Variants in MACF1 observed in about 807,000 individuals in gnomAD.
MACF1 encodes microtubule actin crosslinking factor 1, also known as microtubule-actin cross-linking factor 1.
A neutral mutation model predicts 854.8 loss-of-function variants in MACF1; 193 were observed. The ratio of observed to expected loss-of-function variants is 0.23; its 90% CI spans 0.20 to 0.25. The LOEUF is 0.25. MACF1 is among the 10% of genes least tolerant of loss of function. MACF1 has a pLI of 1.00. For synonymous variants in MACF1, 3,185 were observed against 3,226.7 expected (o/e 0.99, Z 0.44); for missense variants, 7,722 against 8,929.1 (o/e 0.86, Z 5.45).
rs202091396 is a variant in MACF1, at chr1:39,361,616, G to A, written c.12710G>A (p.Arg4237Gln). ...CAGCAGTTCATGGAAAACAAAAGTC[G>A]GATGCTGGCCTCTGGAAATCAGCCA... ...KLQQFMENKS[R>Q]MLASGNQPDQ... is the part of the protein sequence containing the mutation. Residue 4237 changes from arginine (R) to glutamine (Q), a missense_variant, in exon 49 of 101, where the codon CGG (arginine) becomes CAG (glutamine). Arg to Gln is a conservative substitution (Grantham distance 43, BLOSUM62 1). Around this residue, in one of 15 missense-constraint regions of MACF1, gnomAD observed 2,807 missense variants for 3,235.8 expected, o/e 0.87. Coordinates refer to ENST00000564288, the MANE Select transcript of MACF1 (RefSeq NM_001394062.1). 5.7e-5 allele frequency: 92 copies of A among 1,614,100 alleles called. No homozygotes were observed. Among genetic ancestry groups the A allele is most frequent in the South Asian group, 2.7e-4 (25 of 91,076 alleles).
At chr1:39,097,196 C>A (rs753849894) in intron 2 of MACF1, among the ~76,000 whole-genome samples, 3 of 152,046 alleles carry the variant, frequency 2.0e-5, no homozygotes, top group Non-Finnish European at 4.4e-5. Context: ...GGGATTCTAA[C>A]ACCCAGATGT....
At chr1:39,189,724 T>A (rs892348561) in intron 2 of MACF1, among the ~76,000 whole-genome samples, 2 of 152,244 alleles carry the variant, frequency 1.3e-5, no homozygotes, top group African/African-American at 2.4e-5. Context: ...AATGACCATT[T>A]CATTGACTGA....
chr1:39,304,724 C>T, intron 23 of MACF1: 1 of 357,390 alleles, frequency 2.8e-6, no homozygotes, highest in Non-Finnish European at 5.3e-6. Flanking sequence ...TCACCATGCC[C>T]TGCTAATTTT....
intron 2 of MACF1, among the ~76,000 whole-genome samples, chr1:39,087,652 A>T (rs762127852): frequency 2.0e-5 from 3 of 152,196 alleles, no homozygotes; most frequent in Non-Finnish European, 4.4e-5. Flanking sequence ...TTACACAGAG[A>T]TTTCAAAATA....
intron 2 of MACF1, among the ~76,000 whole-genome samples, chr1:39,099,236 A>T (rs1302133859): frequency 6.6e-6 from 1 of 152,094 alleles, no homozygotes; most frequent in Admixed American, 6.5e-5. Context: ...GCTCACTGCA[A>T]CCTCTGCCTC....
intron 2 of MACF1, among the ~76,000 whole-genome samples, chr1:39,125,798 C>T (rs935963923): frequency 6.6e-6 from 1 of 152,156 alleles, no homozygotes; most frequent in Non-Finnish European, 1.5e-5. Context: ...TGAAGACCGG[C>T]CTGGCCAACA....
chr1:39,315,638 G>A lies in MACF1; in HGVS notation c.3396G>A (p.Leu1132=), dbSNP rs759934756. The change falls in exon 27 of 101, where the codon CTG becomes CTA. Residue 1132 remains leucine (L), a synonymous_variant. Coordinates refer to ENST00000564288, the MANE Select transcript of MACF1 (RefSeq NM_001394062.1). The stretch of plus-strand genomic sequence containing the variant: ...CAACTCTGCGCTCAGAACTGAATCT[G>A]CTGGTGGAGAAGATGGACCATGTCT... The part of the protein sequence containing the change: ...SVPTLRSELN[L]LVEKMDHVYG... 1.4e-5 allele frequency: 22 copies of A among 1,614,000 alleles called. No individual in the cohort carries two copies. Among genetic ancestry groups the A allele is most frequent in the Admixed American group, 1.2e-4 (7 of 60,006 alleles).
chr1:39,210,974 C>T (rs749762931), intron 1 of MACF1, among the ~76,000 whole-genome samples: 1 of 148,908 alleles, frequency 6.7e-6, no homozygotes, highest in Admixed American at 6.7e-5. Flanking sequence ...CTCCCTCCCT[C>T]GCTCCCTTTT....
At position 39,438,019 on chromosome 1, in the gene MACF1, A is replaced by C. The variant is rs1052308289; in HGVS notation, c.18220+11A>C. 1.9e-6 allele frequency: 3 copies of C among 1,607,018 alleles called. No homozygotes were observed. The highest frequency in any genetic ancestry group is 2.7e-5 in the African/African-American group (2 of 74,686). On this transcript the variant is annotated intron_variant, in intron 71 of 100. Transcript: ENST00000564288. ...ATCTGGCTGCAAAAGGTGCTTGATG[A>C]TTGTCATTATTTTTAAAAATCAACA...
In MACF1 at chr1:39,448,755, T is replaced by C. The variant is rs781592476; in HGVS notation, c.20250T>C (p.Ser6750=). The C allele has an allele frequency of 1.9e-5, 31 of 1,610,456 alleles. No homozygotes were observed. The highest frequency in any genetic ancestry group is 5.0e-5 in the Admixed American group (3 of 59,610). ...RDKWDTVCGK[S]VERQHKLEEA... is the part of the protein sequence containing the mutation. The stretch of plus-strand genomic sequence containing the variant: ...AATGGGATACTGTTTGTGGCAAGTC[T>C]GTGGAGCGGTGAGCATGAATGTCCC... The change falls in exon 84 of 101, where the codon TCT becomes TCC. Residue 6750 remains serine (S), a synonymous_variant. Coordinates refer to ENST00000564288, the MANE Select transcript of MACF1 (RefSeq NM_001394062.1).
At chr1:39,269,780 T>A (rs968852946) in intron 6 of MACF1, 2 of 1,215,088 alleles carry the variant, frequency 1.6e-6, no homozygotes, top group Admixed American at 5.1e-5. Context: ...CCCTCAAACA[T>A]ATTAAAGCTG....
In MACF1 at chr1:39,442,533, C is replaced by G; in HGVS notation, c.19070C>G (p.Pro6357Arg). 1.2e-6 allele frequency: 2 copies of G among 1,614,142 alleles called. No individual in the cohort carries two copies. Among genetic ancestry groups the G allele is most frequent in the Non-Finnish European group, 1.7e-6 (2 of 1,180,024 alleles). ...GCTCAGAGACCAATAAGTGGAGACC[C>G]AAAAGTCATTGAAGTTGAGCTCGCA... ...LDAQRPISGD[P>R]KVIEVELAKH... Residue 6357 changes from proline to arginine, a missense_variant, in exon 77 of 101, where the codon CCA becomes CGA. Physicochemically the swap from Pro to Arg is moderately radical, Grantham distance 103 (BLOSUM62 -2). Around this residue, in one of 15 missense-constraint regions of MACF1, gnomAD observed 2,807 missense variants for 3,235.8 expected, o/e 0.87. Transcript: ENST00000564288.
intron 23 of MACF1, among the ~76,000 whole-genome samples, chr1:39,307,901 CTTTTTTTTT>C (rs34930273): frequency 4.0e-5 from 2 of 50,392 alleles, no homozygotes; most frequent in African/African-American, 7.6e-5. Context: ...TTCTTTCTTT[CTTTTTTTTT>C]TTTTTTTTTT....
chr1:39,198,398 A>G (rs1158624356), intron 2 of MACF1, among the ~76,000 whole-genome samples: 1 of 151,958 alleles, frequency 6.6e-6, no homozygotes, highest in Non-Finnish European at 1.5e-5. Context: ...CACTCCTGTA[A>G]TCCCAGCACT....
chr1:39,268,812 A>C, intron 6 of MACF1: 2 of 1,289,838 alleles, frequency 1.6e-6, no homozygotes, highest in Non-Finnish European at 2.0e-6. Context: ...GAGAGGGAAG[A>C]AAATCCCTAC....
At chr1:39,296,816 AAGG>A (rs760260713) in intron 20 of MACF1, among the ~76,000 whole-genome samples, 5,320 of 105,744 alleles carry the variant, frequency 0.05, 184 homozygotes, top group Middle Eastern at 0.092. Context: ...GAAAGAAAGG[AAGG>A]AAGGAAGGAA....
chr1:39,470,647 CA>C (rs1289385443), intron 97 of MACF1, among the ~76,000 whole-genome samples: 1 of 152,006 alleles, frequency 6.6e-6, no homozygotes, highest in East Asian at 1.9e-4. Flanking sequence ...CTCTTGTCTA[CA>C]AAAAAGTAAT....
rs751451649 is a variant in MACF1, at chr1:39,284,191, G to A, written c.1035+6G>A. 2.5e-6 allele frequency: 4 copies of A among 1,609,286 alleles called. No individual in the cohort carries two copies. The highest frequency in any genetic ancestry group is 2.5e-6 in the Non-Finnish European group (3 of 1,178,768). ...AAAACCCTGTTGAACTAAAGGTAAA[G>A]TCAAGGACTTAAATTTTTTTGGTAA... On this transcript the variant is annotated splice_donor_region_variant and intron_variant, in intron 10 of 100. Transcript: ENST00000564288.
In MACF1 at chr1:39,322,942, G is replaced by A. The variant is rs939782738; in HGVS notation, c.4170G>A (p.Leu1390=). ...FMDLRTRYTA[L]VTLTTQHVKY... ...ACTTAAGGACTCGCTACACGGCATTGGTGACTTTAACAACTCAGCACGTGA... is the reference window on the plus strand; with the variant it reads ...ACTTAAGGACTCGCTACACGGCATTAGTGACTTTAACAACTCAGCACGTGA... Residue 1390 remains leucine, a synonymous_variant, in exon 33 of 101, where the codon TTG becomes TTA. Transcript: ENST00000564288. 1.9e-6 allele frequency: 3 copies of A among 1,613,972 alleles called. No homozygotes were observed. The highest frequency in any genetic ancestry group is 2.5e-6 in the Non-Finnish European group (3 of 1,179,980).
Sources: allele counts gnomAD v4.1 joint callset (sites outside exome capture counted in the v4.1 genomes callset), GRCh38; gene constraint gnomAD v4.1.1; regional missense constraint gnomAD v4.1.1; transcripts MANE v1.5; gene names NCBI Gene and HGNC (gene_info 2026-07-23, HGNC 2026-07-21).